FHIT: variants seen among roughly 807,000 people sequenced by gnomAD.
FHIT encodes fragile histidine triad diadenosine triphosphatase.
FHIT carries 19 observed loss-of-function variants against 17.9 expected under a neutral mutation model. The ratio of observed to expected loss-of-function variants is 1.06; its 90% CI spans 0.74 to 1.56. FHIT has a LOEUF of 1.56. FHIT is among the 40% of genes most tolerant of loss of function. FHIT has a pLI of 0.00. For synonymous variants in FHIT, 81 were observed against 69.7 expected, an observed-to-expected ratio of 1.16 and a Z score of -0.81; for missense variants, 248 against 189.2, an observed-to-expected ratio of 1.31 and a Z score of -1.82.
chr3:60,832,405 C>T (rs1553742790), intron 3 of FHIT, among the ~76,000 whole-genome samples: 1 of 152,098 alleles, frequency 6.6e-6, no homozygotes, highest in African/African-American at 2.4e-5. Flanking sequence ...GGCACTCCTA[C>T]TGATACATAA....
intron 4 of FHIT, among the ~76,000 whole-genome samples, chr3:60,817,532 T>TA (rs1303729418): frequency 6.6e-6 from 1 of 152,016 alleles, no homozygotes; most frequent in Non-Finnish European, 1.5e-5. Context: ...CTTTTTTTTT[T>TA]ACCCCTCGTT....
intron 4 of FHIT, among the ~76,000 whole-genome samples, chr3:60,735,126 C>A (rs1276856798): frequency 2.0e-5 from 3 of 152,142 alleles, no homozygotes; most frequent in Non-Finnish European, 2.9e-5. Context: ...GTTGATTAAC[C>A]CTTCACTTGT....
chr3:61,022,991 A>G (rs2032536054), intron 3 of FHIT, among the ~76,000 whole-genome samples: 1 of 152,214 alleles, frequency 6.6e-6, no homozygotes, highest in African/African-American at 2.4e-5. Flanking sequence ...AGTTCTGGCC[A>G]GGGCGATCAG....
At chr3:60,032,589 T>C (rs1180849242) in intron 5 of FHIT, among the ~76,000 whole-genome samples, 1 of 152,218 alleles carries the variant, frequency 6.6e-6, no homozygotes, top group East Asian at 1.9e-4. Context: ...GGAAACTTTA[T>C]AATGGAGAAC....
intron 3 of FHIT, among the ~76,000 whole-genome samples, chr3:60,896,294 G>T (rs1210310382): frequency 6.6e-6 from 1 of 152,164 alleles, no homozygotes; most frequent in Non-Finnish European, 1.5e-5. Flanking sequence ...GAAAGCAAGA[G>T]CTGGGCACTC....
At chr3:61,216,192 C>T (rs1319948545) in intron 1 of FHIT, among the ~76,000 whole-genome samples, 1 of 152,192 alleles carries the variant, frequency 6.6e-6, no homozygotes, top group African/African-American at 2.4e-5. Context: ...AAACTACCAT[C>T]AGAGTGAACA....
intron 3 of FHIT, among the ~76,000 whole-genome samples, chr3:60,884,741 G>A (rs1705135676): frequency 6.6e-6 from 1 of 151,650 alleles, no homozygotes; most frequent in African/African-American, 2.4e-5. Context: ...GACCAGCCTG[G>A]GTAATATGGC....
intron 5 of FHIT, among the ~76,000 whole-genome samples, chr3:60,163,335 C>A (rs907753132): frequency 1.3e-5 from 2 of 152,078 alleles, no homozygotes; most frequent in African/African-American, 4.8e-5. Context: ...TTTACCCACA[C>A]GCGTGTTCTT....
intron 5 of FHIT, among the ~76,000 whole-genome samples, chr3:60,311,942 T>C (rs1418266236): frequency 6.6e-6 from 1 of 152,130 alleles, no homozygotes; most frequent in African/African-American, 2.4e-5. Context: ...AAAAAACGAC[T>C]TGCCTAAGGT....
At chr3:60,561,946 A>AAGAG (rs147703483) in intron 4 of FHIT, among the ~76,000 whole-genome samples, 22,414 of 150,464 alleles carry the variant, frequency 0.15, 2,101 homozygotes, top group East Asian at 0.36. Context: ...GAAAGAGAGA[A>AAGAG]ACAGAGAGAG....
At chr3:59,875,013 A>G (rs1413897835) in intron 8 of FHIT, among the ~76,000 whole-genome samples, 1 of 152,204 alleles carries the variant, frequency 6.6e-6, no homozygotes, top group East Asian at 1.9e-4. Flanking sequence ...GATCCATTTC[A>G]TCAAAAACCC....
chr3:60,819,455 C>T (rs1278976723), intron 4 of FHIT, among the ~76,000 whole-genome samples: 4 of 152,192 alleles, frequency 2.6e-5, no homozygotes, highest in African/African-American at 7.2e-5. Flanking sequence ...TACTTTGCCA[C>T]GTTATTTTAC....
chr3:60,232,020 A>G (rs1704521152), intron 5 of FHIT, among the ~76,000 whole-genome samples: 1 of 152,160 alleles, frequency 6.6e-6, no homozygotes, highest in Non-Finnish European at 1.5e-5. Flanking sequence ...CCATTAACTT[A>G]TACATGCCAA....
At chr3:60,517,884 C>T (rs886834734) in intron 5 of FHIT, among the ~76,000 whole-genome samples, 6 of 152,082 alleles carry the variant, frequency 3.9e-5, no homozygotes, top group East Asian at 3.9e-4. Context: ...CCATACTGCC[C>T]GGTTCATCAT....
At chr3:59,868,765 G>A (rs1702775171) in intron 8 of FHIT, among the ~76,000 whole-genome samples, 1 of 152,182 alleles carries the variant, frequency 6.6e-6, no homozygotes, top group African/African-American at 2.4e-5. Context: ...GTGGCTGGAG[G>A]AGGAAGTAGA....
At chr3:60,345,034 G>A (rs1270843188) in intron 5 of FHIT, among the ~76,000 whole-genome samples, 2 of 152,094 alleles carry the variant, frequency 1.3e-5, no homozygotes, top group Admixed American at 1.3e-4. Context: ...TTGCTTTAAA[G>A]TAAACTTTAT....
intron 7 of FHIT, among the ~76,000 whole-genome samples, chr3:59,935,016 G>A (rs1468830475): frequency 1.3e-5 from 2 of 152,156 alleles, no homozygotes; most frequent in Admixed American, 6.5e-5. Flanking sequence ...AACTCCAGAT[G>A]TAGGGCTCTC....
intron 8 of FHIT, among the ~76,000 whole-genome samples, chr3:59,854,021 A>G (rs1702049755): frequency 6.6e-6 from 1 of 151,394 alleles, no homozygotes; most frequent in East Asian, 1.9e-4. Flanking sequence ...CAAAGAACAG[A>G]CTTCTAAAAA....
At chr3:60,203,337 G>C (rs547607594) in intron 5 of FHIT, among the ~76,000 whole-genome samples, 2 of 152,218 alleles carry the variant, frequency 1.3e-5, no homozygotes, top group South Asian at 2.1e-4. Context: ...TAATGACACG[G>C]TTCATCATCA....
Sources: gnomAD v4.1 joint callset for allele counts (sites outside exome capture counted in the v4.1 genomes callset) on GRCh38, gnomAD v4.1.1 for gene constraint, MANE v1.5 for transcripts, NCBI Gene and HGNC (gene_info 2026-07-23, HGNC 2026-07-21) for gene names.